Variants in ALKAL1 observed in about 807,000 individuals in gnomAD.
The protein encoded by ALKAL1 is ALK and LTK ligand 1.
Under a neutral mutation model 13.5 loss-of-function variants are expected in ALKAL1, and 23 were observed. The observed-to-expected ratio is 1.70, with a 90% CI of 1.23 to 2.41. ALKAL1 has a LOEUF of 2.41. Ranked by LOEUF, ALKAL1 falls within the 30% of genes most tolerant of loss-of-function variation. The pLI is 0.00. For synonymous variants in ALKAL1, 85 were observed against 77.7 expected, an observed-to-expected ratio of 1.09 and a Z score of -0.49; for missense variants, 181 against 178.4, an observed-to-expected ratio of 1.01 and a Z score of -0.08.
intron 4 of ALKAL1, among the ~76,000 whole-genome samples, chr8:52,535,378 T>C (rs1195619465): frequency 6.7e-6 from 1 of 149,852 alleles, no homozygotes; most frequent in African/African-American, 2.5e-5. Flanking sequence ...TGGGACTCTG[T>C]TGCCACCAAA....
intron 4 of ALKAL1, among the ~76,000 whole-genome samples, chr8:52,536,678 G>A (rs1001475327): frequency 8.6e-5 from 13 of 151,426 alleles, no homozygotes; most frequent in East Asian, 7.7e-4. Flanking sequence ...GAAGTTTTAA[G>A]ACCTGGTTTC....
intron 1 of ALKAL1, among the ~76,000 whole-genome samples, chr8:52,562,171 G>A (rs527423096): frequency 5.3e-5 from 8 of 152,226 alleles, no homozygotes; most frequent in South Asian, 2.1e-4. Flanking sequence ...GAGCAGGAGC[G>A]AAGGTTACTG....
At chr8:52,547,304 C>G (rs1045540616) in intron 1 of ALKAL1, among the ~76,000 whole-genome samples, 5 of 151,958 alleles carry the variant, frequency 3.3e-5, no homozygotes, top group Non-Finnish European at 7.4e-5. Context: ...TCGAGACCAG[C>G]CTGACCAACA....
intron 1 of ALKAL1, among the ~76,000 whole-genome samples, chr8:52,546,760 A>G (rs541442598): frequency 6.6e-6 from 1 of 152,228 alleles, no homozygotes; most frequent in Non-Finnish European, 1.5e-5. Context: ...GTAAGGGATA[A>G]ATATGTCTGC....
intron 1 of ALKAL1, among the ~76,000 whole-genome samples, chr8:52,563,890 A>C (rs1563324636): frequency 6.6e-6 from 1 of 152,240 alleles, no homozygotes; most frequent in South Asian, 2.1e-4. Flanking sequence ...TTCCACACCC[A>C]GGTGTGTGGG....
intron 1 of ALKAL1, among the ~76,000 whole-genome samples, chr8:52,546,462 A>T (rs1468412868): frequency 6.6e-6 from 1 of 152,246 alleles, no homozygotes; most frequent in Non-Finnish European, 1.5e-5. Context: ...GCCTCCTATC[A>T]ACTATTAGTT....
intron 1 of ALKAL1, 32 bp from the exon 2 acceptor site, chr8:52,542,477 T>C (rs1471461794): frequency 3.1e-6 from 4 of 1,283,708 alleles, no homozygotes; most frequent in South Asian, 2.6e-5. Flanking sequence ...TCAGAATTTA[T>C]TGAATGCATT....
intron 2 of ALKAL1, among the ~76,000 whole-genome samples, chr8:52,540,688 C>T (rs550168051): frequency 2.0e-5 from 3 of 152,224 alleles, no homozygotes; most frequent in Admixed American, 2.0e-4. Flanking sequence ...TGAGCTATGA[C>T]TGCACCATTG....
intron 4 of ALKAL1, among the ~76,000 whole-genome samples, chr8:52,538,071 G>C (rs1355321389): frequency 2.0e-5 from 3 of 150,724 alleles, no homozygotes; most frequent in Middle Eastern, 3.4e-3. Flanking sequence ...CCTGGCGACA[G>C]AGCGAGACTC....
intron 2 of ALKAL1, among the ~76,000 whole-genome samples, chr8:52,542,164 A>C (rs563209717): frequency 6.6e-6 from 1 of 152,168 alleles, no homozygotes; most frequent in Non-Finnish European, 1.5e-5. Context: ...GTTCTTGGCC[A>C]CTTTATTCAC....
chr8:52,557,976 A>C (rs1379813334), intron 1 of ALKAL1, among the ~76,000 whole-genome samples: 1 of 149,796 alleles, frequency 6.7e-6, no homozygotes, highest in Admixed American at 6.7e-5. Context: ...GAAAAAAAAA[A>C]AAAAAAGAAG....
Position 52,565,212 on chromosome 8 carries a change from C to T in ALKAL1, c.45G>A (p.Leu15=). ...CGTGCGGGGACAAAGCCAGCGCCAG[C>T]AGGAAGAGTGCGGGCAAAGGGGCGC... ...KPGAPLPALF[L]LALALSPHGA... is the part of the protein sequence containing the mutation. The change falls in exon 1 of 5, where the codon CTG becomes CTA. Residue 15 remains leucine, a synonymous_variant. Transcript: ENST00000358543. The T allele has an allele frequency of 2.2e-6, 3 of 1,336,614 alleles. No homozygotes were observed. The highest frequency in any genetic ancestry group is 2.9e-6 in the Non-Finnish European group (3 of 1,036,396). The allele number at this position is 1,336,614 out of a possible 1,614,324, so 82.8% of individuals were successfully genotyped here. A position where few individuals can be genotyped will look rare whatever the true frequency, so the allele number is the denominator to read the frequency against.
chr8:52,547,032 G>A (rs546203053), intron 1 of ALKAL1, among the ~76,000 whole-genome samples: 38 of 152,308 alleles, frequency 2.5e-4, no homozygotes, highest in Non-Finnish European at 5.0e-4. Context: ...CTGGGGTGGA[G>A]AGAAGAGATA....
chr8:52,552,679 A>T (rs1397772253), intron 1 of ALKAL1, among the ~76,000 whole-genome samples: 1 of 152,270 alleles, frequency 6.6e-6, no homozygotes, highest in East Asian at 1.9e-4. Flanking sequence ...GGCTCTGGCC[A>T]TCATGAAATG....
chr8:52,545,489 C>T (rs950707606), intron 1 of ALKAL1, among the ~76,000 whole-genome samples: 2 of 150,430 alleles, frequency 1.3e-5, no homozygotes, highest in Non-Finnish European at 3.0e-5. Flanking sequence ...TGACCTGGAA[C>T]CCCCCCCACA....
intron 4 of ALKAL1, among the ~76,000 whole-genome samples, chr8:52,538,230 T>A (rs1422668348): frequency 1.3e-5 from 2 of 152,098 alleles, no homozygotes; most frequent in African/African-American, 4.8e-5. Flanking sequence ...CATTGTATAT[T>A]TTTTTAAAGC....
At chr8:52,555,792 A>G (rs897535808) in intron 1 of ALKAL1, among the ~76,000 whole-genome samples, 21 of 151,862 alleles carry the variant, frequency 1.4e-4, no homozygotes, top group Non-Finnish European at 2.5e-4. Context: ...TCTTGCCCAC[A>G]TTTTCCCCGT....
At chr8:52,562,523 C>G (rs1188166835) in intron 1 of ALKAL1, among the ~76,000 whole-genome samples, 2 of 152,242 alleles carry the variant, frequency 1.3e-5, no homozygotes, top group Non-Finnish European at 2.9e-5. Flanking sequence ...CACAGTCCCC[C>G]ACTCTCCGCA....
intron 4 of ALKAL1, among the ~76,000 whole-genome samples, chr8:52,535,290 A>G (rs1284642960): frequency 6.6e-6 from 1 of 151,994 alleles, no homozygotes; most frequent in Non-Finnish European, 1.5e-5. Flanking sequence ...GCTCATGTGT[A>G]TAATTCCAAC....
Sources: allele counts gnomAD v4.1 joint callset (sites outside exome capture counted in the v4.1 genomes callset), GRCh38; gene constraint gnomAD v4.1.1; transcripts MANE v1.5; gene names NCBI Gene and HGNC (gene_info 2026-07-23, HGNC 2026-07-21).